PAIP2: variants seen among roughly 807,000 people sequenced by gnomAD.
The protein encoded by PAIP2 is polyadenylate-binding protein-interacting protein 2.
Under a neutral mutation model 14.8 loss-of-function variants are expected in PAIP2, and 7 were observed. That is an observed-to-expected ratio of 0.47 (90% confidence interval 0.27 to 0.89). The LOEUF is 0.89. Ranked by LOEUF, PAIP2 falls within the 40% of genes least tolerant of loss-of-function variation. The pLI is 0.13. For missense variants in PAIP2, 122 were observed against 154.7 expected (o/e 0.79, Z 1.12); for synonymous variants, 47 against 45.3 (o/e 1.04, Z -0.15).
intron 1 of PAIP2, among the ~76,000 whole-genome samples, chr5:139,348,178 A>AT (rs1756615546): frequency 6.7e-6 from 1 of 149,690 alleles, no homozygotes; most frequent in African/African-American, 2.4e-5. Context: ...CGAGTGATGA[A>AT]TTTATTTATT....
chr5:139,356,026 T>C (rs1028414619), intron 1 of PAIP2, among the ~76,000 whole-genome samples: 10 of 152,128 alleles, frequency 6.6e-5, no homozygotes, highest in Middle Eastern at 3.4e-3. Context: ...TGATCCCAGC[T>C]ACTTGGGAGG....
chr5:139,364,739 T>C lies in PAIP2; in HGVS notation c.314T>C (p.Leu105Pro). The C allele has an allele frequency of 1.3e-6, 2 of 1,594,904 alleles. No individual in the cohort carries two copies. The highest frequency in any genetic ancestry group is 1.7e-6 in the Non-Finnish European group (2 of 1,169,342). The change falls in exon 3 of 4, where the codon CTT (leucine) becomes CCT (proline). Residue 105 changes from leucine (L) to proline (P), a missense_variant. Physicochemically the swap from Leu to Pro is moderately conservative, Grantham distance 98. This residue lies in a region of PAIP2 where 46 missense variants were observed against 44.0 expected (regional missense o/e 1.05). Transcript: ENST00000265192. ...VISDGSSLED[L>P]VVKSNLNPNA... ...AGTGATGGCTCTTCTCTGGAAGATC[T>C]TGTGGTAAAAAGTTATTTTTCATCT...
At chr5:139,348,377 C>T (rs898941679) in intron 1 of PAIP2, among the ~76,000 whole-genome samples, 19 of 146,688 alleles carry the variant, frequency 1.3e-4, no homozygotes, top group African/African-American at 4.3e-4. Flanking sequence ...TTTTTTGAGA[C>T]GGAGTCTCAC....
intron 3 of PAIP2, chr5:139,367,498 C>G (rs914967369): frequency 6.6e-6 from 1 of 150,908 alleles, no homozygotes; most frequent in Non-Finnish European, 1.5e-5. Context: ...TTAACTGATG[C>G]AAAAATTTGA....
chr5:139,347,991 G>T (rs1168264524), intron 1 of PAIP2, among the ~76,000 whole-genome samples: 3 of 152,024 alleles, frequency 2.0e-5, no homozygotes, highest in African/African-American at 7.2e-5. Flanking sequence ...GGCCAACATA[G>T]TGAAACCCCA....
At chr5:139,351,217 T>A (rs1379581510) in intron 1 of PAIP2, among the ~76,000 whole-genome samples, 1 of 152,034 alleles carries the variant, frequency 6.6e-6, no homozygotes, top group East Asian at 1.9e-4. Context: ...TTATAAATAA[T>A]CTGTCATCTC....
intron 3 of PAIP2, among the ~76,000 whole-genome samples, chr5:139,368,225 C>G (rs1475126412): frequency 6.6e-6 from 1 of 152,120 alleles, no homozygotes. Context: ...GTAGTCCCAG[C>G]TACTCAGGAG....
intron 1 of PAIP2, among the ~76,000 whole-genome samples, chr5:139,359,872 G>A (rs978211379): frequency 6.6e-6 from 1 of 151,622 alleles, no homozygotes; most frequent in Non-Finnish European, 1.5e-5. Flanking sequence ...CACAGGAGGC[G>A]GAGGCAGGAG....
In PAIP2 at chr5:139,366,202, C is replaced by CAAAAAAAAAAAAAAAAAA. The variant is rs1215094572; in HGVS notation, c.318+1464_318+1481dup. On this transcript the variant is annotated intron_variant, in intron 3 of 3. Coordinates refer to ENST00000265192, the MANE Select transcript of PAIP2 (RefSeq NM_016480.5). ...TGGGCGACAGAGTGAGACTCCACCT[C>CAAAAAAAAAAAAAAAAAA]AAAAAAAAAAAAAAAAAAAAAAGCG... Among the ~76,000 whole-genome samples the CAAAAAAAAAAAAAAAAAA allele has an allele frequency of 7.9e-5, 2 of 25,318 alleles. 1 individual carries two copies. Among genetic ancestry groups the CAAAAAAAAAAAAAAAAAA allele is most frequent in the Non-Finnish European group, 1.8e-4 (2 of 11,266 alleles). 16.6% of individuals were successfully genotyped at this position (25,318 alleles called of 152,430 possible).
At chr5:139,351,766 C>T (rs1200787108) in intron 1 of PAIP2, among the ~76,000 whole-genome samples, 1 of 151,908 alleles carries the variant, frequency 6.6e-6, no homozygotes, top group Non-Finnish European at 1.5e-5. Flanking sequence ...TCAAGTAATC[C>T]TCCTGTCTCA....
chr5:139,361,978 G>T (rs1334573747), intron 1 of PAIP2, among the ~76,000 whole-genome samples: 2 of 149,000 alleles, frequency 1.3e-5, no homozygotes, highest in Admixed American at 1.3e-4. Flanking sequence ...TCACTGTACA[G>T]TGAGGAACTC....
rs1063910 is a variant in PAIP2, at chr5:139,364,729, C to G, written c.304C>G (p.Leu102Val). 2 of 1,600,110 alleles carry G rather than the reference C, an allele frequency of 1.2e-6. No individual in the cohort carries two copies. Among genetic ancestry groups the G allele is most frequent in the Non-Finnish European group, 1.7e-6 (2 of 1,173,514 alleles). The stretch of plus-strand genomic sequence containing the variant: ...CCTTGTTATCAGTGATGGCTCTTCT[C>G]TGGAAGATCTTGTGGTAAAAAGTTA... Reference protein sequence around the residue: ...NDLVISDGSSLEDLVVKSNLN... With the variant: ...NDLVISDGSSVEDLVVKSNLN... The change falls in exon 3 of 4, where the codon CTG becomes GTG. Residue 102 changes from leucine to valine, a missense_variant. Leu to Val is a conservative substitution (Grantham distance 32, BLOSUM62 1). Around this residue, in one of 3 missense-constraint regions of PAIP2, gnomAD observed 46 missense variants for 44.0 expected, o/e 1.05. Coordinates refer to ENST00000265192, the MANE Select transcript of PAIP2 (RefSeq NM_016480.5).
intron 1 of PAIP2, among the ~76,000 whole-genome samples, chr5:139,348,249 C>T (rs1230651564): frequency 6.6e-6 from 1 of 151,572 alleles, no homozygotes; most frequent in Non-Finnish European, 1.5e-5. Flanking sequence ...GGTGCAGTGG[C>T]GTGATCTTGG....
intron 1 of PAIP2, among the ~76,000 whole-genome samples, chr5:139,352,874 G>C (rs1428957125): frequency 1.3e-5 from 2 of 151,810 alleles, no homozygotes; most frequent in Non-Finnish European, 2.9e-5. Flanking sequence ...CCAGCACTTT[G>C]GGAGGCCAAA....
intron 3 of PAIP2, among the ~76,000 whole-genome samples, chr5:139,366,020 T>G (rs917089024): frequency 2.0e-5 from 3 of 151,738 alleles, no homozygotes; most frequent in Non-Finnish European, 2.9e-5. Flanking sequence ...ACCAACATGG[T>G]GAAACCCCGT....
Position 139,350,713 on chromosome 5 carries a change from CA to C in PAIP2, c.-27+8742del, listed in dbSNP as rs551022113. Among the ~76,000 whole-genome samples, 6 of 147,854 alleles carry C rather than the reference CA, an allele frequency of 4.1e-5. No individual in the cohort carries two copies. The East Asian group carries it at 7.9e-4, about 19-fold the overall frequency. Reference sequence around the variant, plus strand: ...ACCTGCAACTTATCAAATGGTTAAGCAAAAAAAAAGAAGAAAAAAATAGAGA... The same window carrying C: ...ACCTGCAACTTATCAAATGGTTAAGCAAAAAAAAGAAGAAAAAAATAGAGA... On this transcript the variant is annotated intron_variant, in intron 1 of 3. Transcript: ENST00000265192.
intron 1 of PAIP2, among the ~76,000 whole-genome samples, chr5:139,349,044 A>G (rs1409192856): frequency 6.6e-6 from 1 of 152,242 alleles, no homozygotes. Context: ...TTCAAAAATT[A>G]TTTTAAAACA....
chr5:139,363,679 G>C, intron 1 of PAIP2, 80 bp from the exon 2 acceptor site: 5 of 1,257,356 alleles, frequency 4.0e-6, no homozygotes, highest in Non-Finnish European at 4.4e-6. Context: ...CTCCAGCCTG[G>C]ATGACGGAGT....
At chr5:139,349,635 A>G (rs1365193391) in intron 1 of PAIP2, among the ~76,000 whole-genome samples, 1 of 152,236 alleles carries the variant, frequency 6.6e-6, no homozygotes, top group African/African-American at 2.4e-5. Context: ...AGTTAATAGA[A>G]CATTTGAAAA....
Sources: allele counts gnomAD v4.1 joint callset (sites outside exome capture counted in the v4.1 genomes callset), GRCh38; gene constraint gnomAD v4.1.1; regional missense constraint gnomAD v4.1.1; transcripts MANE v1.5; gene names NCBI Gene and HGNC (gene_info 2026-07-23, HGNC 2026-07-21).